The following AK4 variants were observed in gnomAD, a reference collection of about 807,000 sequenced individuals.
AK4 encodes adenylate kinase 4, mitochondrial.
A neutral mutation model predicts 24.6 loss-of-function variants in AK4; 13 were observed. That is an observed-to-expected ratio of 0.53 (90% CI 0.34 to 0.84). The LOEUF (loss-of-function observed/expected upper bound fraction) is 0.84, where lower values mean the gene tolerates loss of function less well. Ranked by LOEUF, AK4 falls within the 40% of genes least tolerant of loss-of-function variation. AK4 has a pLI of 0.01. For synonymous variants in AK4, 88 were observed against 107.0 expected, an observed-to-expected ratio of 0.82 and a Z score of 1.10; for missense variants, 192 against 288.2, an observed-to-expected ratio of 0.67 and a Z score of 2.42.
intron 2 of AK4, among the ~76,000 whole-genome samples, chr1:65,211,902 T>C (rs1046708611): frequency 6.6e-6 from 1 of 152,186 alleles, no homozygotes; most frequent in African/African-American, 2.4e-5. Context: ...TGGCGTGTGG[T>C]AGAGGTGCAG....
At chr1:65,218,628 C>A in intron 2 of AK4, 126 bp from the exon 3 acceptor site, 1 of 868,128 alleles carries the variant, frequency 1.2e-6, no homozygotes, top group Non-Finnish European at 1.6e-6. Context: ...ATCCCATCAC[C>A]CAGATAGTGT....
chr1:65,151,717 A>G (rs561713614), intron 1 of AK4, among the ~76,000 whole-genome samples: 4 of 152,340 alleles, frequency 2.6e-5, no homozygotes, highest in African/African-American at 9.6e-5. Context: ...CAAGCAACCT[A>G]TAGCATAGAG....
chr1:65,171,089 C>T (rs915054641), intron 1 of AK4, among the ~76,000 whole-genome samples: 3 of 148,062 alleles, frequency 2.0e-5, no homozygotes, highest in South Asian at 2.1e-4. Context: ...CCGAGTAGCT[C>T]GGACTACAGG....
intron 2 of AK4, among the ~76,000 whole-genome samples, chr1:65,217,648 T>G (rs770761956): frequency 6.6e-6 from 1 of 152,146 alleles, no homozygotes; most frequent in African/African-American, 2.4e-5. Context: ...CAGGTCAATC[T>G]CTGAAGAAAA....
At chr1:65,177,275 C>G (rs1178584916) in intron 1 of AK4, among the ~76,000 whole-genome samples, 2 of 151,704 alleles carry the variant, frequency 1.3e-5, no homozygotes, top group East Asian at 3.9e-4. Flanking sequence ...AGTCTAATAT[C>G]CAAAGGAACA....
chr1:65,160,972 C>A (rs1650139908), intron 1 of AK4, among the ~76,000 whole-genome samples: 1 of 152,106 alleles, frequency 6.6e-6, no homozygotes, highest in Non-Finnish European at 1.5e-5. Flanking sequence ...GCATATGAAT[C>A]TGGGGGGCAC....
At chr1:65,219,232 CTA>C (rs1195449980) in intron 3 of AK4, among the ~76,000 whole-genome samples, 4 of 151,256 alleles carry the variant, frequency 2.6e-5, no homozygotes, top group African/African-American at 7.3e-5. Flanking sequence ...AAAAATAAAA[CTA>C]AAAGTCTATT....
intron 2 of AK4, among the ~76,000 whole-genome samples, chr1:65,215,902 C>T (rs954880815): frequency 4.6e-5 from 7 of 152,134 alleles, no homozygotes; most frequent in South Asian, 4.1e-4. Flanking sequence ...GTGCTTCCCC[C>T]GCTCCCAGCT....
intron 1 of AK4, among the ~76,000 whole-genome samples, chr1:65,182,049 G>A (rs558062855): frequency 6.6e-6 from 1 of 152,254 alleles, no homozygotes; most frequent in African/African-American, 2.4e-5. Flanking sequence ...CAGAGTCGCT[G>A]GGACTACAGG....
chr1:65,208,975 C>G (rs1380539797), intron 2 of AK4, among the ~76,000 whole-genome samples: 4 of 131,490 alleles, frequency 3.0e-5, no homozygotes, highest in Non-Finnish European at 6.1e-5. Flanking sequence ...TCTCACTGCA[C>G]TTAGTAAATA....
chr1:65,229,348 A>G lies in AK4; in HGVS notation c.*3171A>G, dbSNP rs1413756587. The G allele has an allele frequency of 6.6e-6, 1 of 152,344 alleles. No homozygotes were observed. The highest frequency in any genetic ancestry group is 2.4e-5 in the African/African-American group (1 of 41,452). 9.4% of individuals were successfully genotyped at this position (152,344 alleles called of 1,614,324 possible). A position where few individuals can be genotyped will look rare whatever the true frequency, so the allele number is the denominator to read the frequency against. On this transcript the variant is annotated 3_prime_UTR_variant, in exon 5 of 5. Coordinates refer to ENST00000327299, the MANE Select transcript of AK4 (RefSeq NM_013410.4). The stretch of plus-strand genomic sequence containing the variant: ...CAAAAGTTCAAGACCAGGCTGGGCA[A>G]TATCACAAGACTCCATCTCTACGGA...
intron 1 of AK4, among the ~76,000 whole-genome samples, chr1:65,149,741 G>T (rs12410180): frequency 0.13 from 19,197 of 152,090 alleles, 1,504 homozygotes; most frequent in Admixed American, 0.24. Context: ...GATTGAAAAA[G>T]CGGACTTTTA....
At chr1:65,157,978 C>T (rs1295524120) in intron 1 of AK4, among the ~76,000 whole-genome samples, 2 of 152,134 alleles carry the variant, frequency 1.3e-5, no homozygotes, top group African/African-American at 4.8e-5. Context: ...CCTGAAACTC[C>T]TCTTGTAGAG....
chr1:65,167,303 AT>A (rs1211204962), intron 1 of AK4, among the ~76,000 whole-genome samples: 6 of 151,990 alleles, frequency 3.9e-5, no homozygotes, highest in African/African-American at 1.4e-4. Context: ...CTGCTTCTAT[AT>A]TTTTTCTTCT....
intron 1 of AK4, among the ~76,000 whole-genome samples, chr1:65,149,620 A>G (rs1191389952): frequency 6.6e-6 from 1 of 152,244 alleles, no homozygotes; most frequent in Non-Finnish European, 1.5e-5. Context: ...TTTCAGAAGC[A>G]CAGACTGGCT....
At chr1:65,180,710 T>G (rs1487524220) in intron 1 of AK4, among the ~76,000 whole-genome samples, 2 of 152,254 alleles carry the variant, frequency 1.3e-5, no homozygotes, top group East Asian at 1.9e-4. Flanking sequence ...TGCCAAAATA[T>G]TCTTACAAGT....
At chr1:65,194,664 G>T (rs932439993) in intron 2 of AK4, among the ~76,000 whole-genome samples, 2 of 152,176 alleles carry the variant, frequency 1.3e-5, no homozygotes, top group African/African-American at 4.8e-5. Flanking sequence ...GTTTCACCAT[G>T]GTGGCCAGGC....
chr1:65,213,320 G>A (rs1027427838), intron 2 of AK4, among the ~76,000 whole-genome samples: 14 of 152,156 alleles, frequency 9.2e-5, no homozygotes, highest in African/African-American at 3.4e-4. Context: ...TCAGGTAGGT[G>A]ATGAAAGGGG....
intron 2 of AK4, among the ~76,000 whole-genome samples, chr1:65,191,104 T>A (rs1039753728): frequency 1.3e-5 from 2 of 152,268 alleles, no homozygotes; most frequent in Non-Finnish European, 2.9e-5. Context: ...TAAGCCATCC[T>A]GAGTATAACT....
Sources: gnomAD v4.1 joint callset for allele counts (sites outside exome capture counted in the v4.1 genomes callset) on GRCh38, gnomAD v4.1.1 for gene constraint, MANE v1.5 for transcripts, NCBI Gene and HGNC (gene_info 2026-07-23, HGNC 2026-07-21) for gene names.